TIAM2: variants seen among roughly 807,000 people sequenced by gnomAD.
TIAM2 encodes TIAM Rac1 associated GEF 2, also known as rho guanine nucleotide exchange factor TIAM2.
Under a neutral mutation model 152.9 loss-of-function variants are expected in TIAM2, and 80 were observed. That is an observed-to-expected ratio of 0.52 (90% CI 0.44 to 0.63). The LOEUF (loss-of-function observed/expected upper bound fraction) is 0.63. Ranked by LOEUF, TIAM2 falls within the 30% of genes least tolerant of loss-of-function variation. TIAM2 has a pLI of 0.00. For missense variants in TIAM2, 1,965 were observed against 2,120.1 expected, an observed-to-expected ratio of 0.93 and a Z score of 1.44; for synonymous variants, 804 against 838.0, an observed-to-expected ratio of 0.96 and a Z score of 0.70.
Position 155,248,009 on chromosome 6 carries a change from A to G in TIAM2, c.3662A>G (p.Asp1221Gly). ...ATCCATCTGCTTGTAGCTAAAACTG[A>G]CAAAGCCTTCAAGGCTTTTCTGGAC... ...VQKVLERAKT[D>G]KAFKAFLDAR... Residue 1221 changes from aspartate to glycine, a missense_variant, in exon 20 of 27, where the codon GAC becomes GGC. Coordinates refer to ENST00000682666, the MANE Select transcript of TIAM2 (RefSeq NM_012454.4). 6.2e-7 allele frequency: 1 copy of G among 1,614,036 alleles called. No individual in the cohort carries two copies. The highest frequency in any genetic ancestry group is 1.3e-5 in the African/African-American group (1 of 75,058).
At chr6:155,196,440 AAG>A (rs879588892) in intron 14 of TIAM2, among the ~76,000 whole-genome samples, 1 of 152,152 alleles carries the variant, frequency 6.6e-6, no homozygotes, top group South Asian at 2.1e-4. Flanking sequence ...CAGAAAGAGA[AAG>A]GGGGGAAATT....
At chr6:155,026,761 G>A (rs1177448441) in intron 1 of TIAM2, among the ~76,000 whole-genome samples, 1 of 152,192 alleles carries the variant, frequency 6.6e-6, no homozygotes, top group African/African-American at 2.4e-5. Context: ...TTGGAGTGGG[G>A]CTCACCTTTG....
intron 1 of TIAM2, among the ~76,000 whole-genome samples, chr6:155,065,273 A>C (rs1777668413): frequency 6.6e-6 from 1 of 152,252 alleles, no homozygotes; most frequent in East Asian, 1.9e-4. Context: ...GTGTGAAACC[A>C]TTGATTTCTA....
chr6:155,057,013 C>CTTTTTTT (rs1193342447), intron 1 of TIAM2, among the ~76,000 whole-genome samples: 2 of 40,424 alleles, frequency 4.9e-5, no homozygotes, highest in East Asian at 5.5e-4. Context: ...CCTCAGTTTT[C>CTTTTTTT]TTTCTTTTTT....
At chr6:155,119,562 C>T (rs1334953357) in intron 2 of TIAM2, among the ~76,000 whole-genome samples, 2 of 152,296 alleles carry the variant, frequency 1.3e-5, no homozygotes, top group Admixed American at 1.3e-4. Context: ...TGGTCTCAAA[C>T]TCCTGTCCTC....
chr6:155,175,167 T>G (rs1780730285), intron 9 of TIAM2, among the ~76,000 whole-genome samples: 1 of 152,230 alleles, frequency 6.6e-6, no homozygotes, highest in Non-Finnish European at 1.5e-5. Flanking sequence ...ATGTGCATTC[T>G]GGCTGTGATC....
intron 15 of TIAM2, among the ~76,000 whole-genome samples, chr6:155,221,127 A>G (rs201607870): frequency 7.8e-5 from 2 of 25,482 alleles, no homozygotes; most frequent in East Asian, 7.3e-4. Context: ...TTTTTTTTTG[A>G]AAAAAAAAAA....
chr6:155,018,179 A>AGT (rs1398596316), intron 1 of TIAM2, among the ~76,000 whole-genome samples: 1 of 151,300 alleles, frequency 6.6e-6, no homozygotes, highest in African/African-American at 2.4e-5. Context: ...TCAAGGCTAT[A>AGT]GTGAGCTGTG....
In TIAM2 at chr6:155,256,481, T is replaced by C; in HGVS notation, c.4469-3T>C. 2 of 1,614,182 alleles carry C rather than the reference T, an allele frequency of 1.2e-6. No homozygotes were observed. The highest frequency in any genetic ancestry group is 1.1e-5 in the South Asian group (1 of 91,048). On this transcript the variant is annotated splice_polypyrimidine_tract_variant and splice_region_variant and intron_variant, in intron 26 of 26. Coordinates refer to ENST00000682666, the MANE Select transcript of TIAM2 (RefSeq NM_012454.4). ...ACAGCGAAATGTGTTTTTCTCACTG[T>C]AGCTTCATCCAGGTCTTTAAAAGTC...
At chr6:155,074,345 T>C (rs1019798716) in intron 1 of TIAM2, among the ~76,000 whole-genome samples, 5 of 151,958 alleles carry the variant, frequency 3.3e-5, no homozygotes, top group African/African-American at 1.2e-4. Context: ...TGATAAGCTT[T>C]TTTTTTGTTT....
At chr6:155,004,974 C>G (rs937304620) in intron 1 of TIAM2, 3 of 333,454 alleles carry the variant, frequency 9.0e-6, no homozygotes, top group African/African-American at 6.6e-5. Context: ...CCCAGGCAGG[C>G]CTTCACTTAC....
At chr6:155,091,922 G>C (rs1778313473) in intron 2 of TIAM2, among the ~76,000 whole-genome samples, 1 of 152,156 alleles carries the variant, frequency 6.6e-6, no homozygotes, top group African/African-American at 2.4e-5. Flanking sequence ...TTTTGAGACA[G>C]CGACGCGCTC....
rs772735681 is a variant in TIAM2, at chr6:155,176,913, A to G, written c.2459A>G (p.His820Arg). 3.7e-6 allele frequency: 6 copies of G among 1,614,104 alleles called. No homozygotes were observed. The African/African-American group carries it at 5.3e-5, about 14-fold the overall frequency. ...IQTYVHFQDN[H>R]GVTVGIKPEH... ...ACTTATGTCCACTTTCAGGACAATC[A>G]CGGAGTTACTGTAGGGATCAAGCCA... Residue 820 changes from histidine (H) to arginine (R), a missense_variant, in exon 10 of 27, where the codon CAC becomes CGC. By Grantham distance (29) the His-to-Arg change is conservative. Coordinates refer to ENST00000682666, the MANE Select transcript of TIAM2 (RefSeq NM_012454.4).
Position 155,179,374 on chromosome 6 carries a change from G to GC in TIAM2, c.2629-3dup. On this transcript the variant is annotated splice_region_variant and splice_polypyrimidine_tract_variant and intron_variant, in intron 11 of 26. Coordinates refer to ENST00000682666, the MANE Select transcript of TIAM2 (RefSeq NM_012454.4). ...TCTGATTTTGTTGTTTTCACCTTTTGCAGGTTTATGATGAAATAGAAGTCT... is the reference window on the plus strand; with the variant it reads ...TCTGATTTTGTTGTTTTCACCTTTTGCCAGGTTTATGATGAAATAGAAGTCT... 16 of 1,613,364 alleles carry GC rather than the reference G, an allele frequency of 9.9e-6. No individual in the cohort carries two copies. Among genetic ancestry groups the GC allele is most frequent in the Non-Finnish European group, 1.4e-5 (16 of 1,179,808 alleles).
intron 26 of TIAM2, chr6:155,254,970 A>G (rs1445614377): frequency 6.2e-6 from 1 of 161,700 alleles, no homozygotes; most frequent in East Asian, 1.7e-4. Context: ...GGTTCAACCT[A>G]CAATTTTTCG....
At chr6:155,098,870 T>A (rs1220553919) in intron 2 of TIAM2, among the ~76,000 whole-genome samples, 2 of 152,160 alleles carry the variant, frequency 1.3e-5, no homozygotes, top group Non-Finnish European at 2.9e-5. Context: ...TTGCTTGTTA[T>A]GTAAGTAACA....
At chr6:155,256,183 C>G (rs913229074) in intron 26 of TIAM2, 1 of 540,710 alleles carries the variant, frequency 1.8e-6, no homozygotes, top group African/African-American at 2.0e-5. Context: ...TTTCAACTTA[C>G]TCCTTGGCAA....
chr6:155,203,706 A>C (rs1416168463), intron 14 of TIAM2, among the ~76,000 whole-genome samples: 3 of 152,238 alleles, frequency 2.0e-5, no homozygotes, highest in Non-Finnish European at 4.4e-5. Flanking sequence ...GATTTAATCA[A>C]CTAAAAACAT....
At chr6:155,086,800 G>T (rs966095387) in intron 1 of TIAM2, among the ~76,000 whole-genome samples, 1 of 151,728 alleles carries the variant, frequency 6.6e-6, no homozygotes, top group African/African-American at 2.4e-5. Flanking sequence ...GCGATATGAT[G>T]GAAAAGCAAG....
Sources: allele counts gnomAD v4.1 joint callset (sites outside exome capture counted in the v4.1 genomes callset), GRCh38; gene constraint gnomAD v4.1.1; transcripts MANE v1.5; gene names NCBI Gene and HGNC (gene_info 2026-07-23, HGNC 2026-07-21).